The following PDXDC1 variants were observed in gnomAD, a reference collection of about 807,000 sequenced individuals.
PDXDC1 encodes pyridoxal-dependent decarboxylase domain-containing protein 1.
In PDXDC1, 42 loss-of-function variants were observed where a neutral mutation model predicts 100.1. That is an observed-to-expected ratio of 0.42 (90% CI 0.33 to 0.54). The LOEUF (loss-of-function observed/expected upper bound fraction) is 0.54. Ranked by LOEUF, PDXDC1 falls within the 20% of genes least tolerant of loss-of-function variation. PDXDC1 has a pLI of 0.10. For missense variants in PDXDC1, 636 were observed against 979.2 expected, an observed-to-expected ratio of 0.65 and a Z score of 4.68; for synonymous variants, 260 against 371.7, an observed-to-expected ratio of 0.70 and a Z score of 3.46.
chr16:15,151,707 G>A, the PDXDC1 span, among the ~76,000 whole-genome samples: 5 of 115,594 alleles, frequency 4.3e-5, no homozygotes, highest in African/African-American at 1.4e-4. Flanking sequence ...CGAGGCGGGC[G>A]GATCATCTGA....
Position 15,020,111 on chromosome 16 carries a change from CAAAAAAAAAAAAAAAA to C in PDXDC1, c.1089+1159_1089+1174del, listed in dbSNP as rs56353637. On this transcript the variant is annotated intron_variant, in intron 12 of 22. Coordinates refer to ENST00000396410, the MANE Select transcript of PDXDC1 (RefSeq NM_015027.4). ...TGGGTGACAGAGCGAGGCTCCGTCT[CAAAAAAAAAAAAAAAA>C]AAAAAAAAAAAAGCCAAAAAACAGG... is the stretch of plus-strand genomic sequence containing the variant. Among the ~76,000 whole-genome samples, 25 of 90,620 alleles carry C rather than the reference CAAAAAAAAAAAAAAAA, an allele frequency of 2.8e-4. No individual in the cohort carries two copies. In the Middle Eastern group the frequency reaches 0.022, roughly 79 times the overall value. The allele number at this position is 90,620 out of a possible 152,430, so 59.5% of individuals were successfully genotyped here. A position where few individuals can be genotyped will look rare whatever the true frequency, so the allele number is the denominator to read the frequency against.
At chr16:14,978,737 T>C (rs1441112580) in intron 1 of PDXDC1, among the ~76,000 whole-genome samples, 4 of 152,294 alleles carry the variant, frequency 2.6e-5, no homozygotes, top group Non-Finnish European at 4.4e-5. Flanking sequence ...CAGACCTTTT[T>C]CTGTTGGTTA....
intron 1 of PDXDC1, among the ~76,000 whole-genome samples, chr16:14,984,001 A>G (rs1327948226): frequency 6.6e-6 from 1 of 152,232 alleles, no homozygotes; most frequent in Non-Finnish European, 1.5e-5. Flanking sequence ...CTATCTCTAT[A>G]AAAAATAAAA....
At chr16:15,096,815 A>C (rs924500467) in intron 16 of PDXDC1, among the ~76,000 whole-genome samples, 4 of 152,040 alleles carry the variant, frequency 2.6e-5, no homozygotes, top group African/African-American at 4.8e-5. Flanking sequence ...GCCCGAACCC[A>C]CACCACCAAG....
At chr16:15,101,842 A>AT (rs1226211822) in intron 16 of PDXDC1, among the ~76,000 whole-genome samples, 3 of 150,696 alleles carry the variant, frequency 2.0e-5, no homozygotes, top group Non-Finnish European at 3.0e-5. Context: ...TGGCGAGTTA[A>AT]TTTTTTGTGT....
intron 16 of PDXDC1, chr16:15,128,311 G>C: frequency 6.2e-7 from 1 of 1,610,040 alleles, no homozygotes; most frequent in African/African-American, 1.3e-5. Flanking sequence ...GCGGTGGAAG[G>C]CTCTGTCGCC....
chr16:15,000,660 A>G (rs1451737977), intron 3 of PDXDC1, among the ~76,000 whole-genome samples: 2 of 152,290 alleles, frequency 1.3e-5, no homozygotes, highest in South Asian at 2.1e-4. Flanking sequence ...CCATCTCCTC[A>G]TGTAATGAGC....
intron 1 of PDXDC1, chr16:14,989,704 G>C: frequency 6.4e-7 from 1 of 1,555,578 alleles, no homozygotes; most frequent in Non-Finnish European, 8.6e-7. Flanking sequence ...TGCAGGCAAC[G>C]CACGCGGCGC....
rs976488419 is a variant in PDXDC1, at chr16:15,032,839, C to T, written c.1572-22C>T. 6 of 1,240,366 alleles carry T rather than the reference C, an allele frequency of 4.8e-6. No homozygotes were observed. In the Admixed American group the frequency reaches 5.1e-5, roughly 10 times the overall value. The allele number at this position is 1,240,366 out of a possible 1,614,324, so 76.8% of individuals were successfully genotyped here. ...ACATTTGATCTTTTAAGCTGAAATG[C>T]TGTGGTTTGATGTTGTTTTAGGTAT... On this transcript the variant is annotated intron_variant, in intron 17 of 22. Coordinates refer to ENST00000396410, the MANE Select transcript of PDXDC1 (RefSeq NM_015027.4).
At position 15,079,935 on chromosome 16, in the gene PDXDC1, T is replaced by C. The variant is rs2045627678; in HGVS notation, c.1399+49879T>C. On this transcript the variant is annotated intron_variant, in intron 16 of 16. Transcript: ENST00000535621. ...TCTATCACTGACTATTGTTTCCACA[T>C]ACTGTGATTATAACAAATTCAAGTC... 13 of 1,467,412 alleles carry C rather than the reference T, an allele frequency of 8.9e-6. No homozygotes were observed. In the Admixed American group the frequency reaches 2.0e-4, roughly 23 times the overall value. The allele number at this position is 1,467,412 out of a possible 1,614,324, so 90.9% of individuals were successfully genotyped here.
intron 16 of PDXDC1, chr16:15,079,926 G>C: frequency 1.4e-6 from 2 of 1,436,616 alleles, no homozygotes; most frequent in Non-Finnish European, 1.9e-6. Flanking sequence ...ACTGACTATT[G>C]TTTCCACATA....
chr16:15,103,507 TTTTA>T lies in PDXDC1; in HGVS notation c.1400-35364_1400-35361del, dbSNP rs768963028. Among the ~76,000 whole-genome samples the T allele has an allele frequency of 6.9e-3, 1,042 of 152,102 alleles. 5 individuals are homozygous for T. The highest frequency in any genetic ancestry group is 6.8e-3 in the Middle Eastern group (2 of 292). On this transcript the variant is annotated intron_variant, in intron 16 of 16. Coordinates refer to the PDXDC1 transcript ENST00000535621. Reference sequence around the variant, plus strand: ...GTATATCTAATGTAAGTGATATTTATTTTATTTATTTTTTGAGTCAGAGTCTCGC... The same window carrying T: ...GTATATCTAATGTAAGTGATATTTATTTTATTTTTTGAGTCAGAGTCTCGC...
intron 16 of PDXDC1, among the ~76,000 whole-genome samples, chr16:15,059,501 G>C (rs1170443034): frequency 2.0e-5 from 3 of 152,114 alleles, no homozygotes; most frequent in Non-Finnish European, 4.4e-5. Context: ...AGTTTAATTA[G>C]CGCTCAGAGA....
chr16:15,111,900 A>C (rs2047083134), intron 16 of PDXDC1, among the ~76,000 whole-genome samples: 1 of 149,596 alleles, frequency 6.7e-6, no homozygotes, highest in African/African-American at 2.4e-5. Flanking sequence ...GGAAGGAATT[A>C]ATTACCTTCA....
intron 8 of PDXDC1, among the ~76,000 whole-genome samples, chr16:15,013,592 A>G (rs1465196448): frequency 2.0e-5 from 3 of 152,276 alleles, no homozygotes; most frequent in East Asian, 3.9e-4. Context: ...TCATACTACA[A>G]TAGGCCGAGC....
At chr16:15,015,311 G>A (rs1228507193) in intron 8 of PDXDC1, among the ~76,000 whole-genome samples, 1 of 152,292 alleles carries the variant, frequency 6.6e-6, no homozygotes, top group Non-Finnish European at 1.5e-5. Flanking sequence ...AAATAAAAAG[G>A]TGGAAAAGTT....
chr16:14,998,086 CTTA>C (rs1755414500), intron 2 of PDXDC1, among the ~76,000 whole-genome samples: 1 of 152,244 alleles, frequency 6.6e-6, no homozygotes, highest in African/African-American at 2.4e-5. Context: ...TCTATAAATA[CTTA>C]TTATATATTC....
chr16:15,009,451 G>A (rs1469216959), intron 7 of PDXDC1: 1 of 685,404 alleles, frequency 1.5e-6, no homozygotes, highest in Non-Finnish European at 2.3e-6. Flanking sequence ...AAATGTTCCT[G>A]CATATGTACA....
chr16:15,076,969 C>G (rs1268045275), intron 16 of PDXDC1, among the ~76,000 whole-genome samples: 1 of 142,468 alleles, frequency 7.0e-6, no homozygotes, highest in Non-Finnish European at 1.5e-5. Context: ...TCTGTGTCCC[C>G]ACCCAAATCA....
Sources: gnomAD v4.1 joint callset for allele counts (sites outside exome capture counted in the v4.1 genomes callset) on GRCh38, gnomAD v4.1.1 for gene constraint, MANE v1.5 for transcripts, NCBI Gene and HGNC (gene_info 2026-07-23, HGNC 2026-07-21) for gene names.